MYLK3: variants seen among roughly 807,000 people sequenced by gnomAD.
MYLK3 encodes the protein myosin light chain kinase 3.
In MYLK3, 55 loss-of-function variants were observed where a neutral mutation model predicts 76.3. The ratio of observed to expected loss-of-function variants is 0.72; its 90% confidence interval spans 0.58 to 0.90. The LOEUF (loss-of-function observed/expected upper bound fraction) is 0.90. Ranked by LOEUF, MYLK3 falls within the 40% of genes least tolerant of loss-of-function variation. MYLK3 has a pLI of 0.00. For synonymous variants in MYLK3, 416 were observed against 425.4 expected (o/e 0.98, Z 0.27); for missense variants, 973 against 1,053.6 (o/e 0.92, Z 1.06).
chr16:46,742,332 G>A (rs192691278), intron 1 of MYLK3, among the ~76,000 whole-genome samples: 2 of 152,102 alleles, frequency 1.3e-5, no homozygotes, highest in Admixed American at 1.3e-4. Context: ...CGAGGAGGGT[G>A]TATCACATGA....
At chr16:46,728,724 A>G (rs910682873) in intron 7 of MYLK3, among the ~76,000 whole-genome samples, 8 of 152,198 alleles carry the variant, frequency 5.3e-5, no homozygotes, top group African/African-American at 1.7e-4. Context: ...TTGTCTCTAA[A>G]AAAAGTTTCA....
At chr16:46,737,255 C>A (rs1195053819) in intron 3 of MYLK3, among the ~76,000 whole-genome samples, 1 of 152,050 alleles carries the variant, frequency 6.6e-6, no homozygotes, top group Non-Finnish European at 1.5e-5. Context: ...GGGATAACAA[C>A]CACATTCACC....
In MYLK3 at chr16:46,707,510, G is replaced by A. The variant is rs555886712; in HGVS notation, c.*194C>T. The A allele has an allele frequency of 3.7e-6, 2 of 544,878 alleles. No homozygotes were observed. Among genetic ancestry groups the A allele is most frequent in the East Asian group, 6.0e-5 (2 of 33,470 alleles). The allele number at this position is 544,878 out of a possible 1,614,324, so 33.8% of individuals were successfully genotyped here. A position where few individuals can be genotyped will look rare whatever the true frequency, so the allele number is the denominator to read the frequency against. ...TCACACGTAGTGATCTTACAAGGCA[G>A]AAAAAAACGTTCTTAGGAAGCTTCT... On this transcript the variant is annotated 3_prime_UTR_variant, in exon 13 of 13. Coordinates refer to ENST00000394809, the MANE Select transcript of MYLK3 (RefSeq NM_182493.3).
At chr16:46,749,623 C>T (rs1967092980), upstream of MYLK3, among the ~76,000 whole-genome samples, 2 of 152,156 alleles carry the variant, frequency 1.3e-5, no homozygotes, top group Non-Finnish European at 1.5e-5. Context: ...GTGGCACGCA[C>T]CTGTGGACCT....
chr16:46,726,723 AAGAAAG>A (rs1966842833), intron 8 of MYLK3: 4 of 148,334 alleles, frequency 2.7e-5, no homozygotes, highest in Non-Finnish European at 4.5e-5. Context: ...GAAAGAAAGA[AAGAAAG>A]AAAGAAAAGA....
At chr16:46,758,165 T>C (rs980368784) in intron 1 of MYLK3, among the ~76,000 whole-genome samples, 2 of 151,744 alleles carry the variant, frequency 1.3e-5, no homozygotes, top group African/African-American at 4.8e-5. Flanking sequence ...GTCAGGGACA[T>C]GCCAGGGAGG....
chr16:46,751,351 G>A (rs1000770372), upstream of MYLK3, among the ~76,000 whole-genome samples: 1 of 151,962 alleles, frequency 6.6e-6, no homozygotes, highest in Non-Finnish European at 1.5e-5. Flanking sequence ...AGGTTGCAGT[G>A]AACTGAGATG....
chr16:46,727,433 G>C, intron 7 of MYLK3, 56 bp from the exon 8 acceptor site: 2 of 1,550,152 alleles, frequency 1.3e-6, no homozygotes, highest in Non-Finnish European at 1.8e-6. Context: ...TTCAGGGCTT[G>C]TCCACTGTCA....
chr16:46,738,682 T>A (rs1966886157), intron 2 of MYLK3, among the ~76,000 whole-genome samples: 1 of 152,198 alleles, frequency 6.6e-6, no homozygotes, highest in South Asian at 2.1e-4. Context: ...CATGTGTGAG[T>A]GTGCATGTGT....
intron 1 of MYLK3, among the ~76,000 whole-genome samples, chr16:46,746,435 T>G (rs1186301246): frequency 6.6e-6 from 1 of 152,140 alleles, no homozygotes; most frequent in Non-Finnish European, 1.5e-5. Context: ...TTTATTTTTT[T>G]TAAGAGACAG....
chr16:46,761,160 T>C (rs1967271603), intron 1 of MYLK3, among the ~76,000 whole-genome samples: 1 of 152,126 alleles, frequency 6.6e-6, no homozygotes, highest in Non-Finnish European at 1.5e-5. Flanking sequence ...AAGACGGTTC[T>C]AGTGAGGTCA....
intron 8 of MYLK3, among the ~76,000 whole-genome samples, chr16:46,723,650 C>CCT (rs1555469872): frequency 7.7e-6 from 1 of 130,528 alleles, no homozygotes; most frequent in East Asian, 2.2e-4. Context: ...CTAGCTGATG[C>CCT]TTTTTTTTTT....
intron 9 of MYLK3, among the ~76,000 whole-genome samples, chr16:46,716,892 G>A (rs1030849070): frequency 2.0e-5 from 3 of 152,202 alleles, no homozygotes; most frequent in Admixed American, 6.5e-5. Flanking sequence ...CTGAACATGG[G>A]GAGATTCCTG....
rs988495783 is a variant in MYLK3, at chr16:46,730,836, A to G, written c.1463-138T>C. The G allele has an allele frequency of 8.6e-5, 60 of 700,824 alleles. No individual in the cohort carries two copies. In the Admixed American group the frequency reaches 1.4e-3, roughly 16 times the overall value. The allele number at this position is 700,824 out of a possible 1,614,324, so 43.4% of individuals were successfully genotyped here. ...CCTGGTATTTGAAACCTTTTCTCCAAACCATCTCAGTAGAGCCATCCATTC... is the reference window on the plus strand; with the variant it reads ...CCTGGTATTTGAAACCTTTTCTCCAGACCATCTCAGTAGAGCCATCCATTC... On this transcript the variant is annotated intron_variant, in intron 4 of 12. Coordinates refer to ENST00000394809, the MANE Select transcript of MYLK3 (RefSeq NM_182493.3).
upstream of MYLK3, among the ~76,000 whole-genome samples, chr16:46,753,211 C>T (rs911219491): frequency 5.3e-5 from 8 of 152,178 alleles, no homozygotes; most frequent in Non-Finnish European, 8.8e-5. Flanking sequence ...CTTCGGACCC[C>T]GATACCCCCG....
chr16:46,735,095 G>T (rs1425181972), intron 3 of MYLK3, among the ~76,000 whole-genome samples: 1 of 151,512 alleles, frequency 6.6e-6, no homozygotes, highest in Non-Finnish European at 1.5e-5. Context: ...GAGCCGAGAT[G>T]GCACCACTGC....
At chr16:46,749,523 T>C (rs1967090785), upstream of MYLK3, among the ~76,000 whole-genome samples, 1 of 152,216 alleles carries the variant, frequency 6.6e-6, no homozygotes, top group African/African-American at 2.4e-5. Context: ...TCCCAGCACT[T>C]TGGCAGGCGG....
intron 8 of MYLK3, 142 bp from the exon 9 acceptor site, chr16:46,721,335 G>T: frequency 1.5e-6 from 1 of 680,534 alleles, no homozygotes; most frequent in Non-Finnish European, 2.6e-6. Context: ...GATAGATAAT[G>T]GAAATACATG....
At chr16:46,757,048 CCCCG>C (rs1022698597) in intron 1 of MYLK3, among the ~76,000 whole-genome samples, 2 of 152,174 alleles carry the variant, frequency 1.3e-5, no homozygotes, top group Non-Finnish European at 2.9e-5. Context: ...CAGGCCACCT[CCCCG>C]CCCGCACCAC....
Sources: gnomAD v4.1 joint callset for allele counts (sites outside exome capture counted in the v4.1 genomes callset) on GRCh38, gnomAD v4.1.1 for gene constraint, MANE v1.5 for transcripts, NCBI Gene and HGNC (gene_info 2026-07-23, HGNC 2026-07-21) for gene names.